The following PDE4D variants were observed in gnomAD, a reference collection of about 807,000 sequenced individuals.
The protein encoded by PDE4D is 3',5'-cyclic-AMP phosphodiesterase 4D.
PDE4D carries 24 observed loss-of-function variants against 87.4 expected under a neutral mutation model. The observed-to-expected ratio is 0.27, with a 90% CI of 0.20 to 0.39. The LOEUF is 0.39. PDE4D is among the 10% of genes least tolerant of loss of function. PDE4D has a pLI of 1.00. For synonymous variants in PDE4D, 384 were observed against 383.2 expected, an observed-to-expected ratio of 1.00 and a Z score of -0.02; for missense variants, 714 against 1,041.0, an observed-to-expected ratio of 0.69 and a Z score of 4.32.
At chr5:60,036,684 T>C (rs898282543) in intron 2 of PDE4D, among the ~76,000 whole-genome samples, 2 of 152,204 alleles carry the variant, frequency 1.3e-5, no homozygotes, top group East Asian at 3.8e-4. Context: ...AAGTCAATGT[T>C]GTCCTCTTAC....
intron 2 of PDE4D, among the ~76,000 whole-genome samples, chr5:60,013,471 T>A (rs1765211297): frequency 6.6e-6 from 1 of 152,108 alleles, no homozygotes; most frequent in South Asian, 2.1e-4. Context: ...ACCTCGTGTG[T>A]GTGTGTATGC....
intron 1 of PDE4D, among the ~76,000 whole-genome samples, chr5:60,349,694 C>T (rs369136168): frequency 6.6e-6 from 1 of 152,166 alleles, no homozygotes; most frequent in African/African-American, 2.4e-5. Context: ...TCAAGCCATT[C>T]TTTCCAACAG....
intron 1 of PDE4D, among the ~76,000 whole-genome samples, chr5:59,229,718 G>C (rs531645909): frequency 2.6e-5 from 4 of 152,200 alleles, no homozygotes; most frequent in Admixed American, 1.3e-4. Flanking sequence ...CTGCATCTGA[G>C]GTAATTACAT....
chr5:59,775,529 C>CGAA (rs2152616452), intron 1 of PDE4D, among the ~76,000 whole-genome samples: 1 of 152,262 alleles, frequency 6.6e-6, no homozygotes, highest in South Asian at 2.1e-4. Context: ...ATAACTTCCT[C>CGAA]GAAGTCATCC....
At chr5:59,470,339 T>C (rs1447732322) in intron 1 of PDE4D, among the ~76,000 whole-genome samples, 1 of 152,206 alleles carries the variant, frequency 6.6e-6, no homozygotes, top group African/African-American at 2.4e-5. Flanking sequence ...AATTGGTCTG[T>C]GCCACTAACC....
At chr5:59,063,688 C>G (rs558828973) in intron 5 of PDE4D, among the ~76,000 whole-genome samples, 12 of 152,192 alleles carry the variant, frequency 7.9e-5, no homozygotes, top group African/African-American at 2.9e-4. Flanking sequence ...ATAAGTTGAC[C>G]AAAGCATTCT....
At chr5:59,475,752 C>T (rs567663601) in intron 1 of PDE4D, among the ~76,000 whole-genome samples, 9 of 151,960 alleles carry the variant, frequency 5.9e-5, no homozygotes, top group Non-Finnish European at 1.3e-4. Context: ...CAGACTCAGT[C>T]GTTGTAGGGC....
At chr5:59,566,533 CATGTGTGTGTGTGTGTGTGTGTGTGT>C (rs1820921040) in intron 1 of PDE4D, among the ~76,000 whole-genome samples, 1 of 102,638 alleles carries the variant, frequency 9.7e-6, no homozygotes, top group African/African-American at 3.7e-5. Flanking sequence ...GTCACAGTTT[CATGTGTGTGTGTGTGTGTGTGTGTGT>C]GTGTGTGTGT....
chr5:60,246,700 G>A (rs1217679546), intron 1 of PDE4D, among the ~76,000 whole-genome samples: 5 of 150,920 alleles, frequency 3.3e-5, no homozygotes, highest in African/African-American at 1.2e-4. Flanking sequence ...ATTTTTCATA[G>A]TCTATGTGAT....
chr5:59,015,983 T>C (rs946051431), intron 6 of PDE4D, among the ~76,000 whole-genome samples: 10 of 152,154 alleles, frequency 6.6e-5, no homozygotes, highest in Admixed American at 5.9e-4. Context: ...TGTAGGGACA[T>C]GGATGAAACT....
At chr5:60,065,086 T>C (rs1334356319) in intron 2 of PDE4D, among the ~76,000 whole-genome samples, 1 of 152,166 alleles carries the variant, frequency 6.6e-6, no homozygotes, top group Non-Finnish European at 1.5e-5. Flanking sequence ...TATTCTTGGG[T>C]CTTTTTGGTT....
intron 1 of PDE4D, among the ~76,000 whole-genome samples, chr5:59,829,859 T>C (rs1371562885): frequency 1.3e-5 from 2 of 152,020 alleles, no homozygotes; most frequent in African/African-American, 2.4e-5. Context: ...GCGTCACACA[T>C]ACCGGATGTA....
chr5:60,105,881 C>G lies in PDE4D; in HGVS notation c.42+79676G>C, dbSNP rs543541365. On this transcript the variant is annotated intron_variant, in intron 2 of 16. Coordinates refer to the PDE4D transcript ENST00000502484. Reference sequence around the variant, plus strand: ...AGCACTAAATATGGAAAGGAACAACCAGTACCAACCACTGCAAAAACATGC... The same window carrying G: ...AGCACTAAATATGGAAAGGAACAACGAGTACCAACCACTGCAAAAACATGC... Among the ~76,000 whole-genome samples the G allele has an allele frequency of 3.3e-5, 5 of 152,252 alleles. No individual in the cohort carries two copies. The South Asian group carries it at 6.2e-4, about 19-fold the overall frequency.
chr5:59,442,850 A>G (rs1582628254), intron 1 of PDE4D, among the ~76,000 whole-genome samples: 1 of 152,194 alleles, frequency 6.6e-6, no homozygotes, highest in African/African-American at 2.4e-5. Context: ...AGCTAAGAGT[A>G]TATCATTTAT....
intron 1 of PDE4D, among the ~76,000 whole-genome samples, chr5:59,642,487 G>C (rs1308840162): frequency 6.6e-6 from 1 of 152,038 alleles, no homozygotes; most frequent in Non-Finnish European, 1.5e-5. Flanking sequence ...TTGAATCATG[G>C]GGGAAGTTTC....
intron 1 of PDE4D, among the ~76,000 whole-genome samples, chr5:59,772,104 A>C (rs1763642947): frequency 6.6e-6 from 1 of 152,246 alleles, no homozygotes; most frequent in African/African-American, 2.4e-5. Flanking sequence ...AAAAGCCTGC[A>C]GTGTTTCAAA....
intron 1 of PDE4D, among the ~76,000 whole-genome samples, chr5:60,229,050 A>G (rs552054405): frequency 6.6e-6 from 1 of 152,274 alleles, no homozygotes; most frequent in South Asian, 2.1e-4. Context: ...ATTTAAAACA[A>G]TTTCAATATA....
intron 5 of PDE4D, among the ~76,000 whole-genome samples, chr5:59,087,717 C>T (rs561533153): frequency 6.6e-6 from 1 of 152,226 alleles, no homozygotes; most frequent in South Asian, 2.1e-4. Context: ...TCTCTCACTC[C>T]TTCCCCATCA....
At chr5:60,003,002 A>C (rs914810331) in intron 2 of PDE4D, among the ~76,000 whole-genome samples, 1 of 152,172 alleles carries the variant, frequency 6.6e-6, no homozygotes, top group Non-Finnish European at 1.5e-5. Context: ...TTAAAAAAAA[A>C]CTCTAAAGAC....
Sources: allele counts gnomAD v4.1 joint callset (sites outside exome capture counted in the v4.1 genomes callset), GRCh38; gene constraint gnomAD v4.1.1; transcripts MANE v1.5; gene names NCBI Gene and HGNC (gene_info 2026-07-23, HGNC 2026-07-21).